Variants in FAM3A observed in about 807,000 individuals in gnomAD.
FAM3A encodes the protein FAM3 metabolism regulating signaling molecule A.
A neutral mutation model predicts 18.1 loss-of-function variants in FAM3A; 5 were observed. The observed-to-expected ratio is 0.28, with a 90% CI of 0.14 to 0.58. The LOEUF is 0.58. Among genes scored for constraint, FAM3A ranks in the 20% least tolerant of loss-of-function variants. The pLI, the probability that FAM3A is intolerant of heterozygous loss-of-function variation, is 0.91. For synonymous variants in FAM3A, 108 were observed against 90.2 expected, an observed-to-expected ratio of 1.20 and a Z score of -1.12; for missense variants, 154 against 216.6, an observed-to-expected ratio of 0.71 and a Z score of 1.81.
At position 154,507,586 on chromosome X, in the gene FAM3A, T is replaced by C. The variant is rs1233460960; in HGVS notation, c.386-96A>G. On this transcript the variant is annotated intron_variant, in intron 6 of 8. Transcript: ENST00000447601. The stretch of plus-strand genomic sequence containing the variant: ...CAAACAAGGAAACAGAAGTAGGGAT[T>C]GGGCCTGGGACATGCCCCGCCAAGG... 5.1e-6 allele frequency: 5 copies of C among 972,219 alleles called. 1 individual carries two copies. In the Admixed American group the frequency reaches 1.0e-4, roughly 20 times the overall value. The allele number at this position is 972,219 out of a possible 1,213,427, so 80.1% of individuals were successfully genotyped here.
At chrX:154,515,585 C>T (rs1557225377) in intron 1 of FAM3A, among the ~76,000 whole-genome samples, 175 bp downstream of exon 1, 1 of 112,375 alleles carries the variant, frequency 8.9e-6, no homozygotes, top group Non-Finnish European at 1.9e-5. Context: ...CTGACGTCCT[C>T]AGAGGTGAAA....
chrX:154,511,082 G>GTT (rs1372133461), intron 3 of FAM3A: 2 of 111,612 alleles, frequency 1.8e-5, no homozygotes, highest in African/African-American at 6.5e-5. Context: ...ATAGTAAAAT[G>GTT]TGAGAGACAT....
intron 1 of FAM3A, among the ~76,000 whole-genome samples, chrX:154,515,547 A>G (rs1437174053): frequency 4.5e-5 from 5 of 112,184 alleles, no homozygotes; most frequent in Non-Finnish European, 7.5e-5. Flanking sequence ...TACTGACTAT[A>G]CTAATCCTCA....
At chrX:154,508,203 G>T in intron 5 of FAM3A, 86 bp downstream of exon 5, 1 of 711,918 alleles carries the variant, frequency 1.4e-6, no homozygotes. Context: ...TTGAATGGGA[G>T]GGGAAGGGAG....
chrX:154,506,704 G>T lies in FAM3A; in HGVS notation c.*107C>A. 1 of 600,893 alleles carries T rather than the reference G, an allele frequency of 1.7e-6. No homozygotes were observed. The highest frequency in any genetic ancestry group is 2.7e-6 in the Non-Finnish European group (1 of 373,720). The allele number at this position is 600,893 out of a possible 1,213,427, so 49.5% of individuals were successfully genotyped here. On this transcript the variant is annotated 3_prime_UTR_variant, in exon 9 of 9. Transcript: ENST00000447601. Reference sequence around the variant, plus strand: ...AGCCCCGATGTGTTGGGGCCAGGGAGCGCTCCTGCCCGGGTGTGGGGTGTG... The same window carrying T: ...AGCCCCGATGTGTTGGGGCCAGGGATCGCTCCTGCCCGGGTGTGGGGTGTG...
chrX:154,514,695 C>T (rs1235318139), intron 1 of FAM3A, among the ~76,000 whole-genome samples: 10 of 112,079 alleles, frequency 8.9e-5, no homozygotes, highest in African/African-American at 3.2e-4. Context: ...TGAGCCACCG[C>T]ACCCGGCCAT....
chrX:154,508,864 C>A (rs1032907807), intron 3 of FAM3A: 3 of 458,124 alleles, frequency 6.5e-6, no homozygotes, highest in Non-Finnish European at 1.2e-5. Context: ...ACTGCACAGC[C>A]AGGAACAAAG....
chrX:154,506,710 C>T lies in FAM3A; in HGVS notation c.*101G>A, dbSNP rs1179163386. 4 of 658,102 alleles carry T rather than the reference C, an allele frequency of 6.1e-6. No homozygotes were observed. The highest frequency in any genetic ancestry group is 9.5e-6 in the Non-Finnish European group (4 of 422,138). The allele number at this position is 658,102 out of a possible 1,213,427, so 54.2% of individuals were successfully genotyped here. A position where few individuals can be genotyped will look rare whatever the true frequency, so the allele number is the denominator to read the frequency against. Reference sequence around the variant, plus strand: ...GATGTGTTGGGGCCAGGGAGCGCTCCTGCCCGGGTGTGGGGTGTGAGCCTC... The same window carrying T: ...GATGTGTTGGGGCCAGGGAGCGCTCTTGCCCGGGTGTGGGGTGTGAGCCTC... On this transcript the variant is annotated 3_prime_UTR_variant, in exon 9 of 9. Transcript: ENST00000447601.
At chrX:154,509,958 T>C (rs1171577978) in intron 3 of FAM3A, 1 of 112,723 alleles carries the variant, frequency 8.9e-6, no homozygotes, top group African/African-American at 3.2e-5. Flanking sequence ...GGTAGGAGTA[T>C]GGATGTTAAA....
rs782438953 is a variant in FAM3A, at chrX:154,506,886, G to A, written c.618C>T (p.His206=). Residue 206 remains histidine, a synonymous_variant, in exon 9 of 9, where the codon CAC becomes CAT. Transcript: ENST00000447601. ...PFEQHVKNSK[H]SNKYEGWPEA... ...CGGGCCAGCCTTCGTACTTGTTGCT[G>A]TGCTTACTGTTCTTCACGTGCTGTG... 7.4e-6 allele frequency: 9 copies of A among 1,211,027 alleles called. No individual in the cohort carries two copies. In the South Asian group the frequency reaches 1.1e-4, roughly 14 times the overall value.
Position 154,508,277 on chromosome X carries a change from C to A in FAM3A, c.334+12G>T. ...AGGAGGGCGGCAGGCCACGCTCAGC[C>A]AGGGGCCTCACCGTTCACCAGGGCG... On this transcript the variant is annotated intron_variant, in intron 5 of 8. Coordinates refer to ENST00000447601, the MANE Select transcript of FAM3A (RefSeq NM_021806.4). 9.2e-7 allele frequency: 1 copy of A among 1,084,201 alleles called. No individual in the cohort carries two copies. Among genetic ancestry groups the A allele is most frequent in the Non-Finnish European group, 1.2e-6 (1 of 835,033 alleles). 89.4% of individuals were successfully genotyped at this position (1,084,201 alleles called of 1,213,427 possible).
In FAM3A at chrX:154,506,771, T is replaced by TGGTCTGGCCTCCCTC. The variant is rs781923208; in HGVS notation, c.*25_*39dup. On this transcript the variant is annotated 3_prime_UTR_variant, in exon 9 of 9. Transcript: ENST00000447601. ...CGCCCGGCAGCGCGCGTGCCTCCCT[T>TGGTCTGGCCTCCCTC]GGTCTGGCCTCCCTCGGCCCGGTCC... 3.9e-5 allele frequency: 44 copies of TGGTCTGGCCTCCCTC among 1,135,577 alleles called. No homozygotes were observed. In the Middle Eastern group the frequency reaches 7.6e-4, roughly 20 times the overall value. The allele number at this position is 1,135,577 out of a possible 1,213,427, so 93.6% of individuals were successfully genotyped here.
chrX:154,515,919 C>T lies in FAM3A; in HGVS notation c.-147G>A, dbSNP rs1222889815. On this transcript the variant is annotated 5_prime_UTR_variant, in exon 1 of 9. Coordinates refer to ENST00000447601, the MANE Select transcript of FAM3A (RefSeq NM_021806.4). ...CGATCGGTGCTACGACCTGTTTGTC[C>T]AGCCGCCCGGCCAGGCAGGGCTCCT... The T allele has an allele frequency of 1.2e-4, 68 of 577,652 alleles. 3 individuals are homozygous for T. Among genetic ancestry groups the T allele is most frequent in the Non-Finnish European group, 1.3e-4 (48 of 356,270 alleles). The allele number at this position is 577,652 out of a possible 1,213,427, so 47.6% of individuals were successfully genotyped here.
At chrX:154,513,311 G>A (rs939365120) in intron 1 of FAM3A, among the ~76,000 whole-genome samples, 40 of 111,424 alleles carry the variant, frequency 3.6e-4, no homozygotes, top group African/African-American at 1.3e-3. Flanking sequence ...CTCCTGTTCT[G>A]AGGGAGAAGG....
rs1557219178 is a variant in FAM3A, at chrX:154,507,239, C to G, written c.561G>C (p.Gly187=). The G allele has an allele frequency of 1.5e-5, 18 of 1,209,322 alleles. No individual in the cohort carries two copies. The highest frequency in any genetic ancestry group is 2.0e-5 in the Non-Finnish European group (18 of 894,359). The change falls in exon 8 of 9, where the codon GGG becomes GGC. Residue 187 remains glycine (G), a synonymous_variant. Transcript: ENST00000447601. ...LAFRDSWVFV[G]AKGVQNKSPF... ...GGCTCTTGTTCTGCACACCCTTGGCCCCGACAAACACCCAGCTGTCCCGGA... is the reference window on the plus strand; with the variant it reads ...GGCTCTTGTTCTGCACACCCTTGGCGCCGACAAACACCCAGCTGTCCCGGA...
intron 1 of FAM3A, 46 bp downstream of exon 1, chrX:154,515,714 A>G (rs782802496): frequency 4.2e-6 from 5 of 1,195,661 alleles, no homozygotes; most frequent in Non-Finnish European, 5.7e-6. Context: ...GCCTCCAGCC[A>G]GGTGCCCTTT....
chrX:154,513,297 T>C (rs1469976557), intron 1 of FAM3A, among the ~76,000 whole-genome samples: 1 of 111,506 alleles, frequency 9.0e-6, no homozygotes, highest in East Asian at 2.8e-4. Flanking sequence ...CTGCCCCTGC[T>C]TTCCTCCTGT....
In FAM3A at chrX:154,506,508, T is replaced by C. The variant is rs2069527155; in HGVS notation, c.*303A>G. The C allele has an allele frequency of 6.5e-6, 2 of 306,687 alleles. No homozygotes were observed. Among genetic ancestry groups the C allele is most frequent in the East Asian group, 1.2e-4 (2 of 17,273 alleles). 25.3% of individuals were successfully genotyped at this position (306,687 alleles called of 1,213,427 possible). The stretch of plus-strand genomic sequence containing the variant: ...GCCGTTCCAGGACTCAAGATGGGGA[T>C]GGAGATGGCGTGAGGAATGGAGGAC... On this transcript the variant is annotated 3_prime_UTR_variant, in exon 9 of 9. Coordinates refer to ENST00000447601, the MANE Select transcript of FAM3A (RefSeq NM_021806.4).
In FAM3A at chrX:154,512,955, C is replaced by T. The variant is rs782020400; in HGVS notation, c.14-19G>A. The stretch of plus-strand genomic sequence containing the variant: ...AGAGGGCCTGGAGGCAGGATAGACA[C>T]AGGGTGGGGTCACCTCAGATACCAG... On this transcript the variant is annotated intron_variant, in intron 1 of 8. Coordinates refer to ENST00000447601, the MANE Select transcript of FAM3A (RefSeq NM_021806.4). The T allele has an allele frequency of 3.6e-6, 4 of 1,112,275 alleles. No individual in the cohort carries two copies. Among genetic ancestry groups the T allele is most frequent in the Non-Finnish European group, 5.0e-6 (4 of 805,648 alleles). The allele number at this position is 1,112,275 out of a possible 1,213,427, so 91.7% of individuals were successfully genotyped here. A position where few individuals can be genotyped will look rare whatever the true frequency, so the allele number is the denominator to read the frequency against.
Sources: gnomAD v4.1 joint callset for allele counts (sites outside exome capture counted in the v4.1 genomes callset) on GRCh38, gnomAD v4.1.1 for gene constraint, MANE v1.5 for transcripts, NCBI Gene and HGNC (gene_info 2026-07-23, HGNC 2026-07-21) for gene names.